Variants in RTL4 observed in about 807,000 individuals in gnomAD.
RTL4 encodes retrotransposon Gag-like protein 4.
RTL4 carries 4 observed loss-of-function variants against 5.3 expected under a neutral mutation model. That is an observed-to-expected ratio of 0.75 (90% CI 0.37 to 1.72). The LOEUF (loss-of-function observed/expected upper bound fraction) is 1.72, where lower values mean the gene tolerates loss of function less well. Ranked by LOEUF, RTL4 falls within the 40% of genes most tolerant of loss-of-function variation. The probability of loss-of-function intolerance (pLI) is 0.04; values close to 1 mark genes in which losing one functional copy is unlikely to be tolerated. For missense variants in RTL4, 260 were observed against 227.1 expected (o/e 1.14, Z -0.93); for synonymous variants, 98 against 87.3 (o/e 1.12, Z -0.68).
At chrX:112,357,590 T>A in the RTL4 span, among the ~76,000 whole-genome samples, 1 of 112,153 alleles carries the variant, frequency 8.9e-6, no homozygotes, top group Middle Eastern at 4.6e-3. Flanking sequence ...CTTAACCTCA[T>A]CTGTACTGTG....
chrX:112,238,463 C>T, the RTL4 span, among the ~76,000 whole-genome samples: 1 of 111,402 alleles, frequency 9.0e-6, no homozygotes, highest in African/African-American at 3.3e-5. Flanking sequence ...TTCTATTCCC[C>T]TCTTGAAAGA....
At chrX:112,305,000 A>G in the RTL4 span, among the ~76,000 whole-genome samples, 3 of 109,798 alleles carry the variant, frequency 2.7e-5, no homozygotes, top group South Asian at 1.2e-3. Context: ...TGAAAAAAAT[A>G]CTCCCTGCTT....
At chrX:112,182,339 C>T in the RTL4 span, among the ~76,000 whole-genome samples, 3 of 111,727 alleles carry the variant, frequency 2.7e-5, no homozygotes, top group Non-Finnish European at 3.8e-5. Context: ...ATGAGTTTGA[C>T]GAATTGACAG....
At chrX:112,097,619 G>A in the RTL4 span, among the ~76,000 whole-genome samples, 1 of 111,507 alleles carries the variant, frequency 9.0e-6, no homozygotes, top group Non-Finnish European at 1.9e-5. Context: ...CTGGGTGACA[G>A]ACCGAGAAAG....
At chrX:112,305,712 C>T in the RTL4 span, among the ~76,000 whole-genome samples, 2 of 112,031 alleles carry the variant, frequency 1.8e-5, no homozygotes, top group Non-Finnish European at 3.8e-5. Flanking sequence ...CAACACAGCT[C>T]AGCAGGAAGA....
chrX:112,137,338 C>T, the RTL4 span, among the ~76,000 whole-genome samples: 2 of 111,634 alleles, frequency 1.8e-5, no homozygotes, highest in African/African-American at 3.3e-5. Flanking sequence ...TGTATTAGTC[C>T]GTTTCACACT....
the RTL4 span, among the ~76,000 whole-genome samples, chrX:112,332,075 G>A: frequency 9.1e-6 from 1 of 109,628 alleles, no homozygotes; most frequent in Non-Finnish European, 1.9e-5. Context: ...GAGTTAGTGG[G>A]TGCAGCACAC....
chrX:112,274,136 T>C, the RTL4 span, among the ~76,000 whole-genome samples: 2 of 112,148 alleles, frequency 1.8e-5, no homozygotes, highest in South Asian at 7.5e-4. Flanking sequence ...TGTCTGACTC[T>C]AAAGACCTTA....
At chrX:112,265,375 C>G in the RTL4 span, among the ~76,000 whole-genome samples, 1 of 111,950 alleles carries the variant, frequency 8.9e-6, no homozygotes, top group African/African-American at 3.2e-5. Flanking sequence ...GGCCTTGATT[C>G]AGAAGAAGAC....
At chrX:112,231,643 G>A in the RTL4 span, among the ~76,000 whole-genome samples, 297 of 108,444 alleles carry the variant, frequency 2.7e-3, no homozygotes, top group African/African-American at 9.1e-3. Flanking sequence ...AATGGGTGCA[G>A]CACAGCAACA....
chrX:112,129,862 CG>C, the RTL4 span, among the ~76,000 whole-genome samples: 1 of 111,537 alleles, frequency 9.0e-6, no homozygotes, highest in African/African-American at 3.3e-5. Context: ...TTACCAAAAA[CG>C]ATCCAAAATT....
the RTL4 span, among the ~76,000 whole-genome samples, chrX:112,095,861 G>A: frequency 8.9e-6 from 1 of 111,910 alleles, no homozygotes; most frequent in East Asian, 2.8e-4. Context: ...TACTGCCATA[G>A]ATGTCACCCA....
chrX:112,235,726 C>A, the RTL4 span, among the ~76,000 whole-genome samples: 1 of 112,005 alleles, frequency 8.9e-6, no homozygotes, highest in Non-Finnish European at 1.9e-5. Context: ...TTGGACCTGG[C>A]ACCCTTCCCA....
the RTL4 span, among the ~76,000 whole-genome samples, chrX:112,190,176 C>CTTTCTT: frequency 0.049 from 4,836 of 98,742 alleles, 127 homozygotes; most frequent in Non-Finnish European, 0.073. Context: ...TTCTTTCTTT[C>CTTTCTT]TTTCTTTCTT....
chrX:112,436,966 C>T, the RTL4 span, among the ~76,000 whole-genome samples: 1 of 111,854 alleles, frequency 8.9e-6, no homozygotes, highest in African/African-American at 3.2e-5. Flanking sequence ...ATGGAGGATA[C>T]TTTATCCTTT....
the RTL4 span, among the ~76,000 whole-genome samples, chrX:112,111,857 G>T: frequency 8.9e-6 from 1 of 112,043 alleles, no homozygotes; most frequent in Non-Finnish European, 1.9e-5. Flanking sequence ...ACTATAATTT[G>T]TTGGCAGTCA....
chrX:112,345,967 T>A, the RTL4 span, among the ~76,000 whole-genome samples: 1 of 111,902 alleles, frequency 8.9e-6, no homozygotes, highest in South Asian at 3.7e-4. Context: ...AGGATAAAAG[T>A]CAAGATCCAA....
the RTL4 span, among the ~76,000 whole-genome samples, chrX:112,402,025 G>C: frequency 8.9e-6 from 1 of 111,821 alleles, no homozygotes; most frequent in African/African-American, 3.2e-5. Flanking sequence ...CCCCATACCT[G>C]CTGTTCTTCT....
the RTL4 span, among the ~76,000 whole-genome samples, chrX:112,327,119 G>T: frequency 8.9e-6 from 1 of 112,266 alleles, no homozygotes; most frequent in African/African-American, 3.2e-5. Flanking sequence ...CCAAAGGAAC[G>T]CAGTTCCTCA....
Sources: gnomAD v4.1 joint callset for allele counts (sites outside exome capture counted in the v4.1 genomes callset) on GRCh38, gnomAD v4.1.1 for gene constraint, MANE v1.5 for transcripts, NCBI Gene and HGNC (gene_info 2026-07-23, HGNC 2026-07-21) for gene names.